The following PLBD2 variants were observed in gnomAD, a reference collection of about 807,000 sequenced individuals.
PLBD2 encodes the protein putative aminopeptidase PLBD2.
A neutral mutation model predicts 68.3 loss-of-function variants in PLBD2; 51 were observed. That is an observed-to-expected ratio of 0.75 (90% CI 0.60 to 0.94). PLBD2 has a LOEUF of 0.94. Ranked by LOEUF, PLBD2 falls within the 40% of genes least tolerant of loss-of-function variation. PLBD2 has a pLI of 0.00. For missense variants in PLBD2, 729 were observed against 792.2 expected (o/e 0.92, Z 0.96); for synonymous variants, 314 against 339.3 (o/e 0.93, Z 0.82).
rs929796619 is a variant in PLBD2 at position 113,390,401 on chromosome 12, C to G, written c.*1775C>G. 5.9e-5 allele frequency: 9 copies of G among 151,992 alleles called. No individual in the cohort carries two copies. Among genetic ancestry groups the G allele is most frequent in the African/African-American group, 2.2e-4 (9 of 41,364 alleles). 9.4% of individuals were successfully genotyped at this position (151,992 alleles called of 1,614,324 possible). A position where few individuals can be genotyped will look rare whatever the true frequency, so the allele number is the denominator to read the frequency against. The stretch of plus-strand genomic sequence containing the variant: ...CATCTGTTCATTTTCCATCCATCTA[C>G]CCGTCCACCCATTCACTCCTCCATC... On this transcript the variant is annotated 3_prime_UTR_variant, in exon 12 of 12. Coordinates refer to ENST00000280800, the MANE Select transcript of PLBD2 (RefSeq NM_173542.4).
rs1957422480 is a variant in PLBD2 at position 113,374,686 on chromosome 12, AAC to A, written c.645-105_645-104del. 4 of 1,481,888 alleles carry A rather than the reference AAC, an allele frequency of 2.7e-6. No individual in the cohort carries two copies. The East Asian group carries it at 7.1e-5, about 26-fold the overall frequency. The allele number at this position is 1,481,888 out of a possible 1,614,324, so 91.8% of individuals were successfully genotyped here. A position where few individuals can be genotyped will look rare whatever the true frequency, so the allele number is the denominator to read the frequency against. On this transcript the variant is annotated intron_variant, in intron 4 of 11. Coordinates refer to ENST00000280800, the MANE Select transcript of PLBD2 (RefSeq NM_173542.4). ...CCACTCCCTGGCTCTGTGGCCTTGG[AAC>A]AGTCAGCTGACTTCCCAGAGCCTCA...
chr12:113,384,323 C>T lies in PLBD2; in HGVS notation c.1118+58C>T, dbSNP rs1439769145. ...GCACCAAGAGATAGACCAACCTCCCCTTTAACACTCACACTCCTGGGGACC... is the reference window on the plus strand; with the variant it reads ...GCACCAAGAGATAGACCAACCTCCCTTTTAACACTCACACTCCTGGGGACC... On this transcript the variant is annotated intron_variant, in intron 7 of 11. Coordinates refer to ENST00000280800, the MANE Select transcript of PLBD2 (RefSeq NM_173542.4). This position sits in a 1 kb window ranked among gnomAD's most constrained non-coding sequence, Gnocchi z 4.2. 1 of 1,550,490 alleles carries T rather than the reference C, an allele frequency of 6.4e-7. No homozygotes were observed. The highest frequency in any genetic ancestry group is 2.3e-5 in the East Asian group (1 of 44,176).
chr12:113,388,654 C>A lies in PLBD2; in HGVS notation c.*28C>A. On this transcript the variant is annotated 3_prime_UTR_variant, in exon 12 of 12. Coordinates refer to ENST00000280800, the MANE Select transcript of PLBD2 (RefSeq NM_173542.4). Reference sequence around the variant, plus strand: ...TTCTGTCCCTGCTCTGCTGCTTTCGCCCCTGCTGACCCTCGTCAGGGTCAC... The same window carrying A: ...TTCTGTCCCTGCTCTGCTGCTTTCGACCCTGCTGACCCTCGTCAGGGTCAC... 1 of 1,532,198 alleles carries A rather than the reference C, an allele frequency of 6.5e-7. No individual in the cohort carries two copies. The highest frequency in any genetic ancestry group is 1.3e-5 in the South Asian group (1 of 79,796). 94.9% of individuals were successfully genotyped at this position (1,532,198 alleles called of 1,614,324 possible).
chr12:113,361,120 C>T (rs1279125306), intron 1 of PLBD2, among the ~76,000 whole-genome samples: 1 of 151,968 alleles, frequency 6.6e-6, no homozygotes, highest in African/African-American at 2.4e-5. Context: ...TGTCCTGGCT[C>T]CTGATCAGCA....
At chr12:113,376,605 T>C (rs922649607) in intron 5 of PLBD2, among the ~76,000 whole-genome samples, 15 of 152,208 alleles carry the variant, frequency 9.9e-5, no homozygotes, top group Non-Finnish European at 2.1e-4. Flanking sequence ...GAATTAGAGC[T>C]ATTTTTGCAA....
chr12:113,364,591 G>C (rs1411377964), intron 1 of PLBD2, among the ~76,000 whole-genome samples: 1 of 151,844 alleles, frequency 6.6e-6, no homozygotes, highest in Non-Finnish European at 1.5e-5. Flanking sequence ...CCAGCCTCCT[G>C]TGACTATAGG....
Position 113,380,144 on chromosome 12 carries a change from TTTA to T in PLBD2, c.860-598_860-596del, listed in dbSNP as rs1197475931. 7.2e-3 allele frequency among the ~76,000 whole-genome samples: 1,102 copies of T among 152,284 alleles called. 11 individuals carry two copies. The highest frequency in any genetic ancestry group is 0.025 in the African/African-American group (1,037 of 41,554). On this transcript the variant is annotated intron_variant, in intron 5 of 11. Transcript: ENST00000280800. Reference sequence around the variant, plus strand: ...GTTATTTCTTTTATTTATTTATTTATTTATTTTTTTTAGATGGAGTCTCACTCT... The same window carrying T: ...GTTATTTCTTTTATTTATTTATTTATTTTTTTTTAGATGGAGTCTCACTCT...
chr12:113,360,009 C>T lies in PLBD2; in HGVS notation c.290+1119C>T, dbSNP rs1957276197. Among the ~76,000 whole-genome samples, 5 of 152,254 alleles carry T rather than the reference C, an allele frequency of 3.3e-5. No individual in the cohort carries two copies. In the South Asian group the frequency reaches 1.0e-3, roughly 32 times the overall value. ...GCTCAGACCACACTGCCCCCTGCAG[C>T]AGAAAGGGCCTCCTCCCACTTTAGC... On this transcript the variant is annotated intron_variant, in intron 1 of 11. Transcript: ENST00000280800.
chr12:113,378,976 C>G (rs2136916155), intron 5 of PLBD2, among the ~76,000 whole-genome samples: 1 of 152,270 alleles, frequency 6.6e-6, no homozygotes, highest in Non-Finnish European at 1.5e-5. Flanking sequence ...GCCCGGCCTA[C>G]TGGTCCCTTT....
At chr12:113,362,435 TGATATTTGTGA>T (rs1218751437) in intron 1 of PLBD2, among the ~76,000 whole-genome samples, 1 of 151,998 alleles carries the variant, frequency 6.6e-6, no homozygotes, top group East Asian at 1.9e-4. Context: ...AGTGGGGTGC[TGATATTTGTGA>T]GATATTTGTG....
chr12:113,364,194 C>T (rs550244890), intron 1 of PLBD2, among the ~76,000 whole-genome samples: 11 of 152,338 alleles, frequency 7.2e-5, no homozygotes, highest in Non-Finnish European at 1.3e-4. Flanking sequence ...AACCACTGCC[C>T]GTCTCCGGGG....
At chr12:113,362,951 A>ATTTTTT (rs397850121) in intron 1 of PLBD2, among the ~76,000 whole-genome samples, 1 of 140,664 alleles carries the variant, frequency 7.1e-6, no homozygotes, top group African/African-American at 2.6e-5. Flanking sequence ...TACCCAGCTA[A>ATTTTTT]TTTTTTTTTT....
chr12:113,381,263 C>G (rs1957487802), intron 6 of PLBD2, among the ~76,000 whole-genome samples: 1 of 151,384 alleles, frequency 6.6e-6, no homozygotes, highest in African/African-American at 2.4e-5. Flanking sequence ...CACATCCCCA[C>G]CGCTTCCCTC....
In PLBD2 at chr12:113,374,861, C is replaced by G. The variant is rs770686211; in HGVS notation, c.713C>G (p.Ser238Cys). The change falls in exon 5 of 12, where the codon TCT becomes TGT. Residue 238 changes from serine to cysteine, a missense_variant. Transcript: ENST00000280800. ...LALNKTKIKPSLGSGSCSALI... is the reference protein window; with the variant it reads ...LALNKTKIKPCLGSGSCSALI... The stretch of plus-strand genomic sequence containing the variant: ...CTGAACAAGACCAAGATCAAACCTT[C>G]TCTGGGCTCTGGCTCCTGTTCTGCC... The G allele has an allele frequency of 6.2e-7, 1 of 1,613,978 alleles. No individual in the cohort carries two copies. Among genetic ancestry groups the G allele is most frequent in the Non-Finnish European group, 8.5e-7 (1 of 1,180,034 alleles).
Position 113,372,541 on chromosome 12 carries a change from G to C in PLBD2, c.385-108G>C. The C allele has an allele frequency of 8.3e-7, 1 of 1,200,978 alleles. No individual in the cohort carries two copies. Among genetic ancestry groups the C allele is most frequent in the Non-Finnish European group, 1.2e-6 (1 of 847,314 alleles). 74.4% of individuals were successfully genotyped at this position (1,200,978 alleles called of 1,614,324 possible). Reference sequence around the variant, plus strand: ...AGAGGACAGCATGAGCAAGGACTCAGGTGGCCACACCAGCAGCCTCCGCTC... The same window carrying C: ...AGAGGACAGCATGAGCAAGGACTCACGTGGCCACACCAGCAGCCTCCGCTC... On this transcript the variant is annotated intron_variant, in intron 2 of 11. Transcript: ENST00000280800. The surrounding 1 kb of genome is among the most constrained non-coding windows in gnomAD (Gnocchi z 4.2).
At position 113,384,036 on chromosome 12, in the gene PLBD2, C is replaced by G; in HGVS notation, c.958-69C>G. On this transcript the variant is annotated intron_variant, in intron 6 of 11. Coordinates refer to ENST00000280800, the MANE Select transcript of PLBD2 (RefSeq NM_173542.4). This position sits in a 1 kb window ranked among gnomAD's most constrained non-coding sequence, Gnocchi z 4.2. ...AAAAAAAAAATTTTTGGAGCCATGA[C>G]TGATGAAGTACTGCCACTTGGTGGC... 5 of 1,114,344 alleles carry G rather than the reference C, an allele frequency of 4.5e-6. No individual in the cohort carries two copies. Among genetic ancestry groups the G allele is most frequent in the Non-Finnish European group, 6.1e-6 (5 of 816,384 alleles). The allele number at this position is 1,114,344 out of a possible 1,614,324, so 69.0% of individuals were successfully genotyped here.
At chr12:113,371,230 G>A (rs767760327) in intron 2 of PLBD2, among the ~76,000 whole-genome samples, 18 of 152,160 alleles carry the variant, frequency 1.2e-4, no homozygotes, top group Non-Finnish European at 1.6e-4. Flanking sequence ...TACTACTTGG[G>A]TGCATACCTT....
intron 11 of PLBD2, among the ~76,000 whole-genome samples, chr12:113,388,169 C>T (rs185233360): frequency 9.9e-5 from 15 of 152,166 alleles, no homozygotes; most frequent in African/African-American, 3.4e-4. Flanking sequence ...TGGTGAAAAC[C>T]CGTCTCTACT....
intron 6 of PLBD2, among the ~76,000 whole-genome samples, chr12:113,383,424 G>T (rs186049468): frequency 6.6e-6 from 1 of 152,096 alleles, no homozygotes; most frequent in Non-Finnish European, 1.5e-5. Flanking sequence ...TGGGGAACAC[G>T]TGCCTCAACT....
Sources: allele counts gnomAD v4.1 joint callset (sites outside exome capture counted in the v4.1 genomes callset), GRCh38; gene constraint gnomAD v4.1.1; non-coding constraint Gnocchi (gnomAD v3.1); transcripts MANE v1.5; gene names NCBI Gene and HGNC (gene_info 2026-07-23, HGNC 2026-07-21).